The following RBL1 variants were observed in gnomAD, a reference collection of about 807,000 sequenced individuals.
RBL1 encodes the protein RB transcriptional corepressor like 1.
In RBL1, 82 loss-of-function variants were observed where a neutral mutation model predicts 123.0. That is an observed-to-expected ratio of 0.67 (90% confidence interval 0.56 to 0.80). The LOEUF (loss-of-function observed/expected upper bound fraction) is 0.80, where lower values mean the gene tolerates loss of function less well. Among genes scored for constraint, RBL1 ranks in the 30% least tolerant of loss-of-function variants. The pLI is 0.00. For missense variants in RBL1, 1,171 were observed against 1,299.6 expected (o/e 0.90, Z 1.52); for synonymous variants, 405 against 441.3 (o/e 0.92, Z 1.03).
chr20:37,011,010 G>T (rs927082399), intron 19 of RBL1, among the ~76,000 whole-genome samples: 1 of 151,798 alleles, frequency 6.6e-6, no homozygotes, highest in African/African-American at 2.4e-5. Context: ...TTGCAGACAG[G>T]GGTCTTGCTG....
chr20:37,017,644 G>GTC (rs1181119905), intron 19 of RBL1, among the ~76,000 whole-genome samples: 1 of 151,576 alleles, frequency 6.6e-6, no homozygotes, highest in Non-Finnish European at 1.5e-5. Context: ...GTGTGTGTGT[G>GTC]TGTGTGTGAC....
chr20:37,055,676 A>G lies in RBL1; in HGVS notation c.1364-20T>C. ...CAAAGTCTATCAGGGAAATACAGAG[A>G]AAACATGTGTTAATGAATTTTAGTT... On this transcript the variant is annotated intron_variant, in intron 10 of 21. Coordinates refer to ENST00000373664, the MANE Select transcript of RBL1 (RefSeq NM_002895.5). 6.3e-7 allele frequency: 1 copy of G among 1,578,310 alleles called. No individual in the cohort carries two copies. Among genetic ancestry groups the G allele is most frequent in the Non-Finnish European group, 8.6e-7 (1 of 1,165,620 alleles).
Position 36,998,925 on chromosome 20 carries a change from A to C in RBL1, c.3041T>G (p.Leu1014Trp), listed in dbSNP as rs777044505. 6.2e-7 allele frequency: 1 copy of C among 1,610,972 alleles called. No individual in the cohort carries two copies. Among genetic ancestry groups the C allele is most frequent in the South Asian group, 1.1e-5 (1 of 90,352 alleles). The change falls in exon 22 of 22, where the codon TTG (leucine) becomes TGG (tryptophan). Residue 1014 changes from leucine (L) to tryptophan (W), a missense_variant. Transcript: ENST00000373664. ...CCTTATCATGTTGTTGATATCTTTCAAACTCTGTGCAGAAATAGAGAACGT... is the reference window on the plus strand; with the variant it reads ...CCTTATCATGTTGTTGATATCTTTCCAACTCTGTGCAGAAATAGAGAACGT... ...YKFNGSPSKS[L>W]KDINNMIRQG...
chr20:37,081,286 T>C (rs1473629037), intron 2 of RBL1, among the ~76,000 whole-genome samples: 2 of 152,150 alleles, frequency 1.3e-5, no homozygotes, highest in Non-Finnish European at 1.5e-5. Context: ...CCCAAATACA[T>C]GATTGTTCTG....
At chr20:37,061,834 T>C (rs1173973539) in intron 8 of RBL1, among the ~76,000 whole-genome samples, 3 of 152,228 alleles carry the variant, frequency 2.0e-5, no homozygotes, top group Non-Finnish European at 4.4e-5. Flanking sequence ...TTCCTCTTCA[T>C]GTCAAAAGAC....
At chr20:37,057,004 T>TTTAC (rs2065020656) in intron 9 of RBL1, among the ~76,000 whole-genome samples, 1 of 147,506 alleles carries the variant, frequency 6.8e-6, no homozygotes, top group African/African-American at 2.5e-5. Flanking sequence ...TATCTATCTA[T>TTTAC]CTACCTACCT....
chr20:37,081,361 G>A (rs1182568926), intron 2 of RBL1, among the ~76,000 whole-genome samples: 5 of 152,094 alleles, frequency 3.3e-5, no homozygotes, highest in Admixed American at 2.6e-4. Context: ...TGGCTGGTGC[G>A]GTGGCTCACA....
chr20:37,055,680 CA>C (rs756704698), intron 10 of RBL1, 24 bp from the exon 11 acceptor site: 60 of 1,572,584 alleles, frequency 3.8e-5, no homozygotes, highest in Non-Finnish European at 5.2e-5. Flanking sequence ...ACAGAGAAAA[CA>C]TGTGTTAATG....
intron 14 of RBL1, among the ~76,000 whole-genome samples, chr20:37,036,686 TATG>T (rs1350065072): frequency 6.8e-6 from 1 of 146,720 alleles, no homozygotes; most frequent in African/African-American, 2.5e-5. Flanking sequence ...AGTGCAGTGG[TATG>T]ATCTCAGCTC....
rs575578246 is a variant in RBL1, at chr20:37,025,192, C to A, written c.2383-2366G>T. Among the ~76,000 whole-genome samples, 3 of 151,808 alleles carry A rather than the reference C, an allele frequency of 2.0e-5. No individual in the cohort carries two copies. The East Asian group carries it at 5.8e-4, about 29-fold the overall frequency. On this transcript the variant is annotated intron_variant, in intron 16 of 21. Transcript: ENST00000373664. ...AATAACAGAACCCTTAACATTTACA[C>A]CCACCTTCCTGTAATAAAGACTATA...
intron 9 of RBL1, among the ~76,000 whole-genome samples, chr20:37,056,757 G>A (rs752536172): frequency 1.3e-5 from 2 of 152,050 alleles, no homozygotes; most frequent in African/African-American, 2.4e-5. Context: ...ATTTTAACAC[G>A]TAAAATTATA....
chr20:37,020,344 C>G (rs2064321945), intron 18 of RBL1, among the ~76,000 whole-genome samples: 2 of 152,130 alleles, frequency 1.3e-5, no homozygotes, highest in African/African-American at 4.8e-5. Context: ...CTGCCTCCAC[C>G]TCCCAAAGTG....
intron 18 of RBL1, among the ~76,000 whole-genome samples, chr20:37,019,874 A>G (rs2064312190): frequency 2.6e-5 from 4 of 152,210 alleles, no homozygotes; most frequent in Admixed American, 2.6e-4. Flanking sequence ...CCACTCTGCT[A>G]CCATGACTGA....
chr20:37,089,585 A>G (rs1320517231), intron 1 of RBL1, among the ~76,000 whole-genome samples: 1 of 151,900 alleles, frequency 6.6e-6, no homozygotes, highest in Non-Finnish European at 1.5e-5. Context: ...TCAAGACTGC[A>G]GTGAGCTATG....
At chr20:37,033,002 AG>A (rs2064539437) in intron 15 of RBL1, 126 bp from the exon 16 acceptor site, 1 of 1,261,848 alleles carries the variant, frequency 7.9e-7, no homozygotes, top group African/African-American at 1.5e-5. Flanking sequence ...TAGTAATTCT[AG>A]GTTATGACTG....
At chr20:37,025,526 G>C (rs1287053025) in intron 16 of RBL1, among the ~76,000 whole-genome samples, 1 of 140,670 alleles carries the variant, frequency 7.1e-6, no homozygotes, top group Non-Finnish European at 1.6e-5. Flanking sequence ...TCTCCAAAAA[G>C]AAAAAAAAAA....
At chr20:37,001,291 T>C (rs1419204452) in intron 21 of RBL1, among the ~76,000 whole-genome samples, 1 of 151,918 alleles carries the variant, frequency 6.6e-6, no homozygotes, top group Non-Finnish European at 1.5e-5. Flanking sequence ...CCGGCCATGA[T>C]GACAATGGCG....
At chr20:37,078,293 T>C (rs958692159) in intron 2 of RBL1, among the ~76,000 whole-genome samples, 2 of 152,238 alleles carry the variant, frequency 1.3e-5, no homozygotes, top group Non-Finnish European at 1.5e-5. Context: ...ACTTTGCAAT[T>C]ACGTGAATAT....
At chr20:37,008,079 T>C (rs1328625057) in intron 19 of RBL1, among the ~76,000 whole-genome samples, 2 of 152,224 alleles carry the variant, frequency 1.3e-5, no homozygotes, top group South Asian at 2.1e-4. Context: ...GGTGCTCTTT[T>C]CTCTAGATTC....
Sources: gnomAD v4.1 joint callset for allele counts (sites outside exome capture counted in the v4.1 genomes callset) on GRCh38, gnomAD v4.1.1 for gene constraint, MANE v1.5 for transcripts, NCBI Gene and HGNC (gene_info 2026-07-23, HGNC 2026-07-21) for gene names.